Variants in FRMD4B observed in about 807,000 individuals in gnomAD.
FRMD4B encodes FERM domain containing 4B, also known as FERM domain-containing protein 4B.
In FRMD4B, 74 loss-of-function variants were observed where a neutral mutation model predicts 141.5. The observed-to-expected ratio is 0.52, with a 90% CI of 0.43 to 0.63. The LOEUF (loss-of-function observed/expected upper bound fraction) is 0.63, where lower values mean the gene tolerates loss of function less well. Among genes scored for constraint, FRMD4B ranks in the 30% least tolerant of loss-of-function variants. The pLI, the probability that FRMD4B is intolerant of heterozygous loss-of-function variation, is 0.00. For synonymous variants in FRMD4B, 506 were observed against 467.9 expected (o/e 1.08, Z -1.05); for missense variants, 1,366 against 1,253.4 (o/e 1.09, Z -1.36).
chr3:69,349,771 A>C (rs1360584945), intron 1 of FRMD4B, among the ~76,000 whole-genome samples: 1 of 152,212 alleles, frequency 6.6e-6, no homozygotes, highest in Non-Finnish European at 1.5e-5. Flanking sequence ...GGCTAACCAT[A>C]TGTAGAAAGC....
chr3:69,318,169 C>T (rs1235455484), intron 1 of FRMD4B, among the ~76,000 whole-genome samples: 1 of 151,984 alleles, frequency 6.6e-6, no homozygotes, highest in Non-Finnish European at 1.5e-5. Context: ...GAGACAGGAT[C>T]TTACTATCTT....
rs1354922533 is a variant in FRMD4B at position 69,189,965 on chromosome 3, A to C, written c.1715-13T>G. On this transcript the variant is annotated splice_polypyrimidine_tract_variant and intron_variant, in intron 17 of 22. Transcript: ENST00000398540. ...GGGATTATGTCTTCTGTGAATAAAAATAACTGCCTTTAGTACAATTGTGCA... is the reference window on the plus strand; with the variant it reads ...GGGATTATGTCTTCTGTGAATAAAACTAACTGCCTTTAGTACAATTGTGCA... The C allele has an allele frequency of 6.5e-7, 1 of 1,531,534 alleles. No individual in the cohort carries two copies. Among genetic ancestry groups the C allele is most frequent in the East Asian group, 2.3e-5 (1 of 44,432 alleles). The allele number at this position is 1,531,534 out of a possible 1,614,324, so 94.9% of individuals were successfully genotyped here. A position where few individuals can be genotyped will look rare whatever the true frequency, so the allele number is the denominator to read the frequency against.
chr3:69,190,979 T>A (rs543655593), intron 17 of FRMD4B, among the ~76,000 whole-genome samples: 2 of 152,308 alleles, frequency 1.3e-5, no homozygotes, highest in Admixed American at 1.3e-4. Flanking sequence ...GGCGTTAGAA[T>A]AACGGATGTA....
At chr3:69,376,634 A>AT (rs1363736886) in intron 1 of FRMD4B, among the ~76,000 whole-genome samples, 1 of 152,150 alleles carries the variant, frequency 6.6e-6, no homozygotes, top group Non-Finnish European at 1.5e-5. Context: ...ATTTGCTAGC[A>AT]TTTTTTATAG....
At chr3:69,207,542 G>A (rs143499568) in intron 11 of FRMD4B, among the ~76,000 whole-genome samples, 1,680 of 152,162 alleles carry the variant, frequency 0.011, 19 homozygotes, top group Middle Eastern at 0.034. Context: ...AGGCACCGTG[G>A]CTCATGCCTG....
rs1401390476 is a variant in FRMD4B at position 69,265,265 on chromosome 3, AAAAAATATATATATATAT to A, written c.502-15184_502-15167del. Among the ~76,000 whole-genome samples the A allele has an allele frequency of 3.7e-3, 67 of 17,984 alleles. 7 individuals are homozygous for A. Among genetic ancestry groups the A allele is most frequent in the South Asian group, 0.016 (6 of 380 alleles). The allele number at this position is 17,984 out of a possible 152,430, so 11.8% of individuals were successfully genotyped here. The stretch of plus-strand genomic sequence containing the variant: ...GCGAGACTCCATCTCAAAAAAAAAA[AAAAAATATATATATATAT>A]ATATATATATATATATATATATATA... On this transcript the variant is annotated intron_variant, in intron 5 of 22. Coordinates refer to ENST00000398540, the MANE Select transcript of FRMD4B (RefSeq NM_015123.3).
At position 69,249,263 on chromosome 3, in the gene FRMD4B, C is replaced by T; in HGVS notation, c.559-15G>A. 6.4e-7 allele frequency: 1 copy of T among 1,558,098 alleles called. No individual in the cohort carries two copies. The highest frequency in any genetic ancestry group is 8.8e-7 in the Non-Finnish European group (1 of 1,134,956). ...CCCTTGGCTTCCTAAAAACAACAAACAAAAACAGAGTTGATCAATATGTAT... is the reference window on the plus strand; with the variant it reads ...CCCTTGGCTTCCTAAAAACAACAAATAAAAACAGAGTTGATCAATATGTAT... On this transcript the variant is annotated splice_polypyrimidine_tract_variant and intron_variant, in intron 6 of 22. Transcript: ENST00000398540.
rs1701625712 is a variant in FRMD4B at position 69,312,343 on chromosome 3, AAAAAG to A, written c.229-991_229-987del. On this transcript the variant is annotated intron_variant, in intron 2 of 22. Coordinates refer to ENST00000398540, the MANE Select transcript of FRMD4B (RefSeq NM_015123.3). The stretch of plus-strand genomic sequence containing the variant: ...ATAAAAATGGACATGATTTAAAGAA[AAAAAG>A]AAAAGAAACAGGCAGACATCTAGAC... Among the ~76,000 whole-genome samples, 3 of 152,340 alleles carry A rather than the reference AAAAAG, an allele frequency of 2.0e-5. No individual in the cohort carries two copies. The South Asian group carries it at 6.2e-4, about 32-fold the overall frequency.
At chr3:69,186,381 G>A (rs1470525191) in intron 19 of FRMD4B, among the ~76,000 whole-genome samples, 1 of 151,466 alleles carries the variant, frequency 6.6e-6, no homozygotes, top group Non-Finnish European at 1.5e-5. Context: ...AAGTAGCTAG[G>A]ACTACAGGTA....
At chr3:69,245,218 G>A (rs1255417317) in intron 7 of FRMD4B, among the ~76,000 whole-genome samples, 1 of 152,172 alleles carries the variant, frequency 6.6e-6, no homozygotes, top group African/African-American at 2.4e-5. Flanking sequence ...CAGGTAATAA[G>A]TAGCCAAGCT....
At position 69,171,632 on chromosome 3, in the gene FRMD4B, A is replaced by G. The variant is rs1192504989; in HGVS notation, c.*229T>C. On this transcript the variant is annotated 3_prime_UTR_variant, in exon 23 of 23. Transcript: ENST00000398540. The stretch of plus-strand genomic sequence containing the variant: ...TGGCAATACTTCAACATGTGGGCAG[A>G]CCCTACAGTTACGTTAGTGCCTAGA... The G allele has an allele frequency of 2.1e-6, 1 of 465,392 alleles. No individual in the cohort carries two copies. Among genetic ancestry groups the G allele is most frequent in the Non-Finnish European group, 3.9e-6 (1 of 256,320 alleles). The allele number at this position is 465,392 out of a possible 1,614,324, so 28.8% of individuals were successfully genotyped here. A position where few individuals can be genotyped will look rare whatever the true frequency, so the allele number is the denominator to read the frequency against.
intron 1 of FRMD4B, among the ~76,000 whole-genome samples, chr3:69,509,889 C>G (rs572872386): frequency 1.3e-5 from 2 of 151,586 alleles, no homozygotes. Flanking sequence ...ATATTGCAAT[C>G]AAGCAAGTCA....
intron 1 of FRMD4B, among the ~76,000 whole-genome samples, chr3:69,319,283 T>C (rs1701913672): frequency 6.6e-6 from 1 of 152,186 alleles, no homozygotes; most frequent in Admixed American, 6.5e-5. Flanking sequence ...TTATAAGAAA[T>C]GTCCTGACAG....
At position 69,529,459 on chromosome 3, in the gene FRMD4B, G is replaced by A. The variant is rs1273154182; in HGVS notation, c.-129+12747C>T. 2.6e-5 allele frequency among the ~76,000 whole-genome samples: 4 copies of A among 152,106 alleles called. No homozygotes were observed. The East Asian group carries it at 7.7e-4, about 29-fold the overall frequency. The stretch of plus-strand genomic sequence containing the variant: ...ACAGCGACTTGACTCAGGGGATGCT[G>A]CAAATTACCACTTGTCTGGGATCTG... On this transcript the variant is annotated intron_variant, in intron 1 of 5. Coordinates refer to the FRMD4B transcript ENST00000459638.
chr3:69,456,136 A>C (rs1705607136), intron 1 of FRMD4B, among the ~76,000 whole-genome samples: 1 of 152,212 alleles, frequency 6.6e-6, no homozygotes, highest in Non-Finnish European at 1.5e-5. Context: ...ATGCCCCCAG[A>C]GACAAAACAT....
At chr3:69,178,602 G>T (rs1280416040) in intron 21 of FRMD4B, among the ~76,000 whole-genome samples, 1 of 150,988 alleles carries the variant, frequency 6.6e-6, no homozygotes, top group Non-Finnish European at 1.5e-5. Context: ...GAGCCAAGGA[G>T]TTTGAGACTG....
At position 69,302,451 on chromosome 3, in the gene FRMD4B, A is replaced by G; in HGVS notation, c.324-16T>C. On this transcript the variant is annotated splice_polypyrimidine_tract_variant and intron_variant, in intron 3 of 22. Coordinates refer to ENST00000398540, the MANE Select transcript of FRMD4B (RefSeq NM_015123.3). The stretch of plus-strand genomic sequence containing the variant: ...CTGCTGACCTCTGTGAGAGCAAAGC[A>G]AAGAAAAAGGATTCAACAGAAAGTC... 1.4e-6 allele frequency: 2 copies of G among 1,468,870 alleles called. No homozygotes were observed. The highest frequency in any genetic ancestry group is 2.4e-5 in the South Asian group (2 of 84,828). 91.0% of individuals were successfully genotyped at this position (1,468,870 alleles called of 1,614,324 possible). A position where few individuals can be genotyped will look rare whatever the true frequency, so the allele number is the denominator to read the frequency against.
intron 1 of FRMD4B, among the ~76,000 whole-genome samples, chr3:69,445,646 C>T (rs939913650): frequency 6.6e-5 from 10 of 152,170 alleles, no homozygotes; most frequent in Non-Finnish European, 4.4e-5. Context: ...CCTCCTTTTC[C>T]CACCTTACTG....
intron 4 of FRMD4B, among the ~76,000 whole-genome samples, chr3:69,300,340 T>C (rs1175905537): frequency 6.6e-6 from 1 of 152,192 alleles, no homozygotes; most frequent in African/African-American, 2.4e-5. Flanking sequence ...ATTAAAAACT[T>C]GATAAGGGTT....
Sources: gnomAD v4.1 joint callset for allele counts (sites outside exome capture counted in the v4.1 genomes callset) on GRCh38, gnomAD v4.1.1 for gene constraint, MANE v1.5 for transcripts, NCBI Gene and HGNC (gene_info 2026-07-23, HGNC 2026-07-21) for gene names.